Variants in ATP7A observed in about 807,000 individuals in gnomAD.
The protein encoded by ATP7A is copper-transporting ATPase 1.
Under a neutral mutation model 83.5 loss-of-function variants are expected in ATP7A, and 7 were observed. The observed-to-expected ratio is 0.08, with a 90% CI of 0.05 to 0.16. The LOEUF is 0.16. ATP7A is among the 10% of genes least tolerant of loss of function. The pLI is 1.00. For missense variants in ATP7A, 940 were observed against 1,120.8 expected, an observed-to-expected ratio of 0.84 and a Z score of 2.30; for synonymous variants, 354 against 395.2, an observed-to-expected ratio of 0.90 and a Z score of 1.24.
chrX:77,932,512 G>T (rs1557224622), intron 1 of ATP7A, among the ~76,000 whole-genome samples: 1 of 112,815 alleles, frequency 8.9e-6, no homozygotes, highest in Non-Finnish European at 1.9e-5. Context: ...TGGCGGCCGG[G>T]CAGAGGCTGC....
At chrX:77,916,021 C>G (rs1557222480) in intron 1 of ATP7A, among the ~76,000 whole-genome samples, 2 of 111,768 alleles carry the variant, frequency 1.8e-5, no homozygotes, top group Non-Finnish European at 3.8e-5. Flanking sequence ...GCTCCCGGCC[C>G]TGCCACCACG....
chrX:77,953,724 C>T (rs1282100743), intron 1 of ATP7A, among the ~76,000 whole-genome samples: 1 of 112,347 alleles, frequency 8.9e-6, no homozygotes, highest in East Asian at 2.8e-4. Context: ...CAAGCATTCT[C>T]TCCACACCAC....
At chrX:78,023,974 A>G (rs1557236071) in intron 14 of ATP7A, among the ~76,000 whole-genome samples, 1 of 111,251 alleles carries the variant, frequency 9.0e-6, no homozygotes, top group African/African-American at 3.3e-5. Flanking sequence ...ATTTTTTTAT[A>G]TGGTGAGAGA....
intron 9 of ATP7A, among the ~76,000 whole-genome samples, chrX:78,012,233 T>C (rs1335181051): frequency 3.6e-5 from 4 of 112,265 alleles, no homozygotes; most frequent in African/African-American, 1.3e-4. Context: ...ATAAATCTTT[T>C]CCTTTATCTG....
intron 12 of ATP7A, among the ~76,000 whole-genome samples, chrX:78,017,314 C>A (rs2077871944): frequency 8.9e-6 from 1 of 112,257 alleles, no homozygotes; most frequent in South Asian, 3.7e-4. Flanking sequence ...GCATCAGAGG[C>A]CCTGGTTCCC....
At chrX:77,997,173 T>C (rs1178984919) in intron 4 of ATP7A, among the ~76,000 whole-genome samples, 2 of 112,161 alleles carry the variant, frequency 1.8e-5, no homozygotes, top group Non-Finnish European at 3.8e-5. Flanking sequence ...GAATCTAAAA[T>C]AAAAGTTGAA....
intron 14 of ATP7A, among the ~76,000 whole-genome samples, chrX:78,028,243 C>T (rs2149104319): frequency 9.3e-6 from 1 of 107,463 alleles, no homozygotes; most frequent in East Asian, 2.9e-4. Context: ...GGCTGGAGTG[C>T]AATGGCATGA....
intron 1 of ATP7A, among the ~76,000 whole-genome samples, chrX:77,912,440 C>G (rs190058146): frequency 1.8e-5 from 2 of 111,454 alleles, no homozygotes; most frequent in Non-Finnish European, 3.8e-5. Flanking sequence ...GTCAATATTC[C>G]TATTTCTAAC....
rs781957241 is a variant in ATP7A, at chrX:78,011,476, G to C, written c.1974G>C (p.Leu658=). 14 of 1,208,332 alleles carry C rather than the reference G, an allele frequency of 1.2e-5. No homozygotes were observed. In the East Asian group the frequency reaches 3.9e-4, roughly 33 times the overall value. ...RQWRRSFLVS[L]FFCIPVMGLM... ...GGAGACGGTCTTTTCTTGTGAGTCT[G>C]TTTTTCTGTATTCCTGTAATGGGGC... Residue 658 remains leucine, a synonymous_variant, in exon 9 of 23, where the codon CTG becomes CTC. Transcript: ENST00000341514.
intron 1 of ATP7A, among the ~76,000 whole-genome samples, chrX:77,939,680 T>A (rs1379580904): frequency 3.6e-5 from 4 of 110,783 alleles, no homozygotes; most frequent in African/African-American, 6.5e-5. Context: ...AATTACAGAG[T>A]TTACTAAGGT....
At chrX:78,012,038 G>C (rs782800114) in intron 9 of ATP7A, among the ~76,000 whole-genome samples, 2 of 109,817 alleles carry the variant, frequency 1.8e-5, no homozygotes, top group Non-Finnish European at 3.8e-5. Flanking sequence ...TGAACTCCTG[G>C]GCTCAAGCAT....
intron 12 of ATP7A, among the ~76,000 whole-genome samples, chrX:78,018,820 T>C (rs1449276015): frequency 8.9e-6 from 1 of 111,938 alleles, no homozygotes; most frequent in African/African-American, 3.3e-5. Context: ...CTCAGGAAAC[T>C]TAAAATCTTG....
chrX:77,984,419 C>G (rs1557231172), intron 2 of ATP7A, among the ~76,000 whole-genome samples: 1 of 110,233 alleles, frequency 9.1e-6, no homozygotes, highest in African/African-American at 3.3e-5. Context: ...CCTCCACCTC[C>G]CGAGGTTCTT....
Position 78,038,876 on chromosome X carries a change from C to T in ATP7A, c.3552C>T (p.Asn1184=), listed in dbSNP as rs782788624. Residue 1184 remains asparagine, a synonymous_variant, in exon 18 of 23, where the codon AAC becomes AAT. Transcript: ENST00000341514. Reference sequence around the variant, plus strand: ...AGCAGTATAAAGTCCTCATTGGTAACCGGGAGTGGATGATTAGAAATGGTC... The same window carrying T: ...AGCAGTATAAAGTCCTCATTGGTAATCGGGAGTGGATGATTAGAAATGGTC... ...NAQQYKVLIG[N]REWMIRNGLV... The T allele has an allele frequency of 3.3e-6, 4 of 1,209,683 alleles. No individual in the cohort carries two copies. Among genetic ancestry groups the T allele is most frequent in the East Asian group, 3.0e-5 (1 of 33,825 alleles).
intron 16 of ATP7A, among the ~76,000 whole-genome samples, chrX:78,033,067 T>C (rs1302705286): frequency 8.9e-6 from 1 of 112,583 alleles, no homozygotes; most frequent in Non-Finnish European, 1.9e-5. Flanking sequence ...TTCCATGTTT[T>C]CTATAAATTT....
At position 77,920,453 on chromosome X, in the gene ATP7A, G is replaced by A. The variant is rs1229701913; in HGVS notation, c.-22+9618G>A. Reference sequence around the variant, plus strand: ...AGGATGGTCTTGATCTCCTGACCTCGTGATCCGCCCACCTCGGCCTCCCAA... The same window carrying A: ...AGGATGGTCTTGATCTCCTGACCTCATGATCCGCCCACCTCGGCCTCCCAA... On this transcript the variant is annotated intron_variant, in intron 1 of 22. Transcript: ENST00000341514. 4.5e-5 allele frequency among the ~76,000 whole-genome samples: 5 copies of A among 110,242 alleles called. No individual in the cohort carries two copies. In the East Asian group the frequency reaches 8.5e-4, roughly 19 times the overall value.
intron 19 of ATP7A, among the ~76,000 whole-genome samples, chrX:78,041,467 G>T (rs1406209771): frequency 9.2e-6 from 1 of 109,236 alleles, no homozygotes; most frequent in Admixed American, 9.8e-5. Flanking sequence ...TAGAGACAGG[G>T]TTTCTCCATG....
At chrX:78,024,967 A>G (rs1370714339) in intron 14 of ATP7A, among the ~76,000 whole-genome samples, 1 of 111,492 alleles carries the variant, frequency 9.0e-6, no homozygotes, top group Non-Finnish European at 1.9e-5. Flanking sequence ...ACTGCATCAT[A>G]AAATTTAAAA....
intron 21 of ATP7A, among the ~76,000 whole-genome samples, chrX:78,043,910 G>A (rs1413574487): frequency 9.5e-6 from 1 of 105,191 alleles, no homozygotes. Flanking sequence ...CACCCACCTC[G>A]GCCTCCCAAA....
Sources: allele counts gnomAD v4.1 joint callset (sites outside exome capture counted in the v4.1 genomes callset), GRCh38; gene constraint gnomAD v4.1.1; transcripts MANE v1.5; gene names NCBI Gene and HGNC (gene_info 2026-07-23, HGNC 2026-07-21).